SGCZ: variants seen among roughly 807,000 people sequenced by gnomAD.
SGCZ encodes the protein zeta-sarcoglycan.
A neutral mutation model predicts 41.3 loss-of-function variants in SGCZ; 40 were observed. That is an observed-to-expected ratio of 0.97 (90% CI 0.75 to 1.26). The LOEUF is 1.26. SGCZ is among the 50% of genes most tolerant of loss of function. The pLI is 0.00. For missense variants in SGCZ, 552 were observed against 369.8 expected, an observed-to-expected ratio of 1.49 and a Z score of -4.04; for synonymous variants, 206 against 137.5, an observed-to-expected ratio of 1.50 and a Z score of -3.49.
chr8:15,077,086 T>C (rs1055317241), intron 1 of SGCZ, among the ~76,000 whole-genome samples: 1 of 152,218 alleles, frequency 6.6e-6, no homozygotes, highest in African/African-American at 2.4e-5. Context: ...GGAATATTCT[T>C]GTTGGAGACT....
chr8:14,360,314 A>G (rs7822230), intron 2 of SGCZ, among the ~76,000 whole-genome samples: 12,697 of 152,016 alleles, frequency 0.084, 1,613 homozygotes, highest in African/African-American at 0.27. Context: ...AAACCAATTC[A>G]GTTTCCAAAA....
intron 1 of SGCZ, among the ~76,000 whole-genome samples, chr8:15,089,314 G>T (rs1368083566): frequency 6.6e-6 from 1 of 152,112 alleles, no homozygotes; most frequent in Non-Finnish European, 1.5e-5. Flanking sequence ...ATTTTAACAT[G>T]TTCAAATGAG....
intron 1 of SGCZ, among the ~76,000 whole-genome samples, chr8:14,647,707 G>A (rs1807269000): frequency 6.6e-6 from 1 of 151,856 alleles, no homozygotes; most frequent in South Asian, 2.1e-4. Flanking sequence ...TATATATGTA[G>A]GTATACTAAA....
intron 1 of SGCZ, among the ~76,000 whole-genome samples, chr8:15,153,884 G>A (rs1395322061): frequency 6.6e-6 from 1 of 152,136 alleles, no homozygotes; most frequent in East Asian, 1.9e-4. Context: ...TGGCACCAGG[G>A]ACCAGTTTTG....
chr8:14,934,851 A>G (rs1482602810), intron 1 of SGCZ, among the ~76,000 whole-genome samples: 8 of 151,668 alleles, frequency 5.3e-5, no homozygotes, highest in Non-Finnish European at 8.8e-5. Flanking sequence ...CAAAGAAACA[A>G]CAGCTAGACA....
chr8:15,077,778 A>G (rs550977406), intron 1 of SGCZ, among the ~76,000 whole-genome samples: 145 of 152,332 alleles, frequency 9.5e-4, no homozygotes, highest in African/African-American at 3.3e-3. Context: ...CAGCAAATCT[A>G]CAGAGATAGC....
At chr8:14,997,214 G>A (rs1802249044) in intron 1 of SGCZ, among the ~76,000 whole-genome samples, 1 of 152,090 alleles carries the variant, frequency 6.6e-6, no homozygotes, top group African/African-American at 2.4e-5. Context: ...TAATTAATAG[G>A]TTAATAGTAT....
At chr8:14,990,283 A>G (rs548540449) in intron 1 of SGCZ, among the ~76,000 whole-genome samples, 1 of 152,302 alleles carries the variant, frequency 6.6e-6, no homozygotes, top group Non-Finnish European at 1.5e-5. Flanking sequence ...TACCCTGCAT[A>G]TACCACATCC....
chr8:14,207,363 C>T (rs1805650186), intron 4 of SGCZ, among the ~76,000 whole-genome samples: 1 of 152,132 alleles, frequency 6.6e-6, no homozygotes, highest in Non-Finnish European at 1.5e-5. Context: ...CATATTCTGC[C>T]ATGACAGAGT....
chr8:14,958,647 G>C (rs1182078056), intron 1 of SGCZ, among the ~76,000 whole-genome samples: 1 of 152,058 alleles, frequency 6.6e-6, no homozygotes, highest in Non-Finnish European at 1.5e-5. Context: ...AGTAATACTA[G>C]TTGTGTGCAT....
intron 5 of SGCZ, among the ~76,000 whole-genome samples, chr8:14,123,734 G>A (rs747594399): frequency 6.4e-4 from 98 of 152,200 alleles, no homozygotes; most frequent in Non-Finnish European, 1.1e-3. Flanking sequence ...AGACATAATC[G>A]TGATCTCCCC....
chr8:14,571,386 A>G (rs1294868487), intron 1 of SGCZ, among the ~76,000 whole-genome samples: 1 of 152,172 alleles, frequency 6.6e-6, no homozygotes, highest in African/African-American at 2.4e-5. Context: ...CTGTAATCAA[A>G]CCAAGTAGTC....
intron 6 of SGCZ, among the ~76,000 whole-genome samples, chr8:14,107,132 C>T (rs896968271): frequency 6.6e-6 from 1 of 151,870 alleles, no homozygotes; most frequent in Non-Finnish European, 1.5e-5. Context: ...AGGAGAATGG[C>T]GTGAACCTGC....
At chr8:14,350,522 G>C (rs1458184283) in intron 2 of SGCZ, among the ~76,000 whole-genome samples, 1 of 152,046 alleles carries the variant, frequency 6.6e-6, no homozygotes, top group African/African-American at 2.4e-5. Flanking sequence ...AATTGCCTAA[G>C]CTGAAGATGT....
chr8:14,991,615 T>A (rs1302830065), intron 1 of SGCZ, among the ~76,000 whole-genome samples: 4 of 152,144 alleles, frequency 2.6e-5, no homozygotes, highest in East Asian at 1.9e-4. Flanking sequence ...ACTCCCCATA[T>A]CTGGTCATCT....
chr8:14,652,198 G>A (rs778245112), intron 1 of SGCZ, among the ~76,000 whole-genome samples: 6 of 151,570 alleles, frequency 4.0e-5, no homozygotes, highest in Non-Finnish European at 7.4e-5. Flanking sequence ...AAAATTAGCT[G>A]GGCGTGGTGG....
intron 4 of SGCZ, among the ~76,000 whole-genome samples, chr8:14,203,039 G>A (rs991503132): frequency 2.0e-5 from 3 of 152,056 alleles, no homozygotes; most frequent in African/African-American, 7.2e-5. Flanking sequence ...AGCTCTCTTT[G>A]GCTGCTGCCA....
intron 2 of SGCZ, among the ~76,000 whole-genome samples, chr8:14,460,111 A>T (rs959741132): frequency 1.3e-5 from 2 of 152,164 alleles, no homozygotes; most frequent in Admixed American, 6.5e-5. Context: ...GATTATGTAA[A>T]CTGCTACCAT....
At chr8:14,922,241 G>C (rs1192964753) in intron 1 of SGCZ, among the ~76,000 whole-genome samples, 1 of 151,844 alleles carries the variant, frequency 6.6e-6, no homozygotes, top group Admixed American at 6.6e-5. Context: ...TTGTGAAATA[G>C]GTGTAGGCAC....
Sources: allele counts gnomAD v4.1 joint callset (sites outside exome capture counted in the v4.1 genomes callset), GRCh38; gene constraint gnomAD v4.1.1; transcripts MANE v1.5; gene names NCBI Gene and HGNC (gene_info 2026-07-23, HGNC 2026-07-21).